Variants in SEC63 observed in about 807,000 individuals in gnomAD.
SEC63 encodes translocation protein SEC63 homolog.
In SEC63, 56 loss-of-function variants were observed where a neutral mutation model predicts 116.2. The observed-to-expected ratio is 0.48, with a 90% confidence interval of 0.39 to 0.60. The LOEUF (loss-of-function observed/expected upper bound fraction) is 0.60. Ranked by LOEUF, SEC63 falls within the 20% of genes least tolerant of loss-of-function variation. The probability of loss-of-function intolerance (pLI) is 0.00; values close to 1 mark genes in which losing one functional copy is unlikely to be tolerated. For synonymous variants in SEC63, 273 were observed against 294.6 expected (o/e 0.93, Z 0.75); for missense variants, 668 against 900.0 (o/e 0.74, Z 3.30).
chr6:107,955,793 G>C (rs1164932011), intron 1 of SEC63, among the ~76,000 whole-genome samples: 3 of 152,096 alleles, frequency 2.0e-5, no homozygotes, highest in Non-Finnish European at 4.4e-5. Flanking sequence ...AGCTGTGGCA[G>C]AACTGCTTGA....
At chr6:107,956,781 A>C (rs1449262176) in intron 1 of SEC63, among the ~76,000 whole-genome samples, 3 of 152,208 alleles carry the variant, frequency 2.0e-5, no homozygotes, top group African/African-American at 7.2e-5. Context: ...TGAAAGTATA[A>C]CAAGTTCTGA....
At chr6:107,922,112 T>C (rs1749030208) in intron 3 of SEC63, among the ~76,000 whole-genome samples, 1 of 152,250 alleles carries the variant, frequency 6.6e-6, no homozygotes, top group African/African-American at 2.4e-5. Context: ...TTGTCCAATA[T>C]ATGTATTTTA....
At position 107,870,714 on chromosome 6, in the gene SEC63, T is replaced by C. The variant is rs1015024912; in HGVS notation, c.*990A>G. On this transcript the variant is annotated 3_prime_UTR_variant, in exon 21 of 21. Transcript: ENST00000369002. ...TTTAGTTGAAAAATAAAGAAGTGGA[T>C]TGCCCTATTTATGTCCTGATAGTAA... 1.3e-5 allele frequency: 2 copies of C among 152,152 alleles called. No individual in the cohort carries two copies. Among genetic ancestry groups the C allele is most frequent in the Non-Finnish European group, 2.9e-5 (2 of 68,012 alleles). The allele number at this position is 152,152 out of a possible 1,614,324, so 9.4% of individuals were successfully genotyped here.
intron 1 of SEC63, chr6:107,957,529 G>C (rs1317454725): frequency 1.8e-5 from 3 of 167,768 alleles, no homozygotes; most frequent in Non-Finnish European, 3.8e-5. Flanking sequence ...TCTCTTCTTG[G>C]CCAACTCTTT....
intron 1 of SEC63, among the ~76,000 whole-genome samples, chr6:107,943,758 C>T (rs1437814955): frequency 1.3e-5 from 2 of 152,050 alleles, no homozygotes; most frequent in African/African-American, 4.8e-5. Context: ...GTGTGTTTCA[C>T]TGTGTTCAAA....
intron 16 of SEC63, among the ~76,000 whole-genome samples, chr6:107,883,925 T>C (rs1486530153): frequency 2.6e-5 from 4 of 151,946 alleles, no homozygotes; most frequent in Non-Finnish European, 4.4e-5. Flanking sequence ...TAGCTCACTT[T>C]AAGAATCAAG....
Position 107,901,468 on chromosome 6 carries a change from C to A in SEC63, c.1259G>T (p.Arg420Leu), listed in dbSNP as rs779791254. Residue 420 changes from arginine to leucine, a missense_variant, in exon 13 of 21, where the codon CGT becomes CTT. Arg to Leu is a moderately radical substitution (Grantham distance 102). Around this residue, in one of 5 missense-constraint regions of SEC63, gnomAD observed 430 missense variants for 557.5 expected, o/e 0.77. Transcript: ENST00000369002. Reference sequence around the variant, plus strand: ...TTCAAGGAAGTGCAGTAGAGTGTGACGATCTGATTCTTTTAAACTCACCAA... The same window carrying A: ...TTCAAGGAAGTGCAGTAGAGTGTGAAGATCTGATTCTTTTAAACTCACCAA... ...QDLVSLKESDRHTLLHFLEDE... is the reference protein window; with the variant it reads ...QDLVSLKESDLHTLLHFLEDE... 6.2e-7 allele frequency: 1 copy of A among 1,608,660 alleles called. No homozygotes were observed. The highest frequency in any genetic ancestry group is 8.5e-7 in the Non-Finnish European group (1 of 1,175,718).
intron 20 of SEC63, 85 bp downstream of exon 20, chr6:107,872,723 T>C: frequency 1.2e-6 from 1 of 838,236 alleles, no homozygotes; most frequent in Admixed American, 2.0e-5. Flanking sequence ...TCCATAACTC[T>C]ACATTTCAAA....
Position 107,921,847 on chromosome 6 carries a change from A to G in SEC63, c.402T>C (p.Asp134=). Residue 134 remains aspartate (D), a synonymous_variant, in exon 4 of 21, where the codon GAT becomes GAC. Coordinates refer to ENST00000369002, the MANE Select transcript of SEC63 (RefSeq NM_007214.5). ...TGAACATAACCTCATCACCTCCTTT[A>G]TCTGGATGATATTTAAGTGACAGCA... ...YRLLSLKYHP[D]KGGDEVMFMR... 3 of 1,612,034 alleles carry G rather than the reference A, an allele frequency of 1.9e-6. No individual in the cohort carries two copies. Among genetic ancestry groups the G allele is most frequent in the Non-Finnish European group, 2.5e-6 (3 of 1,178,976 alleles).
rs1485713217 is a variant in SEC63, at chr6:107,881,174, G to A, written c.1910C>T (p.Pro637Leu). The A allele has an allele frequency of 1.2e-6, 2 of 1,611,328 alleles. No individual in the cohort carries two copies. The highest frequency in any genetic ancestry group is 3.3e-5 in the Admixed American group (2 of 59,988). Residue 637 changes from proline to leucine, a missense_variant, in exon 18 of 21, where the codon CCT becomes CTT. This residue lies in a region of SEC63 where 430 missense variants were observed against 557.5 expected (regional missense o/e 0.77). Coordinates refer to ENST00000369002, the MANE Select transcript of SEC63 (RefSeq NM_007214.5). ...CTCAGGAAAGTAAAGGCTATACACA[G>A]GATGTGTTATTTTTGATTTGGTTTC... ...LLETKSKITHPVYSLYFPEEK... is the reference protein window; with the variant it reads ...LLETKSKITHLVYSLYFPEEK...
At chr6:107,901,772 G>A (rs1010369952) in intron 12 of SEC63, among the ~76,000 whole-genome samples, 1 of 151,882 alleles carries the variant, frequency 6.6e-6, no homozygotes, top group African/African-American at 2.4e-5. Context: ...CAAAGTTGGA[G>A]GGAAAAAATA....
chr6:107,924,981 A>C (rs1787643733), intron 2 of SEC63, 49 bp from the exon 3 acceptor site: 2 of 1,054,768 alleles, frequency 1.9e-6, no homozygotes, highest in Admixed American at 3.4e-5. Flanking sequence ...ATCTGCATAG[A>C]GTCTAAAGAC....
At chr6:107,924,451 G>A (rs1045314303) in intron 3 of SEC63, among the ~76,000 whole-genome samples, 4 of 148,872 alleles carry the variant, frequency 2.7e-5, no homozygotes, top group South Asian at 2.1e-4. Context: ...GATGGCGGGC[G>A]CCTACCTGGG....
intron 1 of SEC63, among the ~76,000 whole-genome samples, chr6:107,957,049 A>C (rs1315606993): frequency 6.6e-6 from 1 of 151,910 alleles, no homozygotes; most frequent in Non-Finnish European, 1.5e-5. Context: ...AGTAGAGTGC[A>C]ACAAATGGAT....
intron 4 of SEC63, among the ~76,000 whole-genome samples, chr6:107,916,561 T>G (rs1787404411): frequency 6.6e-6 from 1 of 152,242 alleles, no homozygotes; most frequent in Non-Finnish European, 1.5e-5. Context: ...TATTGCACTT[T>G]GCAGATAATC....
In SEC63 at chr6:107,879,913, G is replaced by A. The variant is rs534011501; in HGVS notation, c.1935+1236C>T. On this transcript the variant is annotated intron_variant, in intron 18 of 20. Coordinates refer to ENST00000369002, the MANE Select transcript of SEC63 (RefSeq NM_007214.5). The stretch of plus-strand genomic sequence containing the variant: ...GCCACTAATAAAATGTTCTGAGGGA[G>A]TGAATGAATGTTTCTCTTATTAACT... Among the ~76,000 whole-genome samples, 3 of 152,210 alleles carry A rather than the reference G, an allele frequency of 2.0e-5. No homozygotes were observed. In the South Asian group the frequency reaches 6.2e-4, roughly 32 times the overall value.
chr6:107,931,153 G>C (rs1454866285), intron 1 of SEC63, among the ~76,000 whole-genome samples: 1 of 151,854 alleles, frequency 6.6e-6, no homozygotes, highest in Non-Finnish European at 1.5e-5. Flanking sequence ...GACCAGCCTG[G>C]CCAACATGGT....
chr6:107,894,064 C>G (rs1786757757), intron 14 of SEC63, among the ~76,000 whole-genome samples, 167 bp from the exon 15 acceptor site: 2 of 152,314 alleles, frequency 1.3e-5, no homozygotes, highest in South Asian at 4.1e-4. Context: ...TGTGCCTATG[C>G]AGGTAGATAC....
At chr6:107,888,475 G>C (rs1786592929) in intron 16 of SEC63, among the ~76,000 whole-genome samples, 1 of 152,186 alleles carries the variant, frequency 6.6e-6, no homozygotes, top group Non-Finnish European at 1.5e-5. Context: ...TTGCTTATCA[G>C]CTTAATGAGA....
Sources: allele counts gnomAD v4.1 joint callset (sites outside exome capture counted in the v4.1 genomes callset), GRCh38; gene constraint gnomAD v4.1.1; regional missense constraint gnomAD v4.1.1; transcripts MANE v1.5; gene names NCBI Gene and HGNC (gene_info 2026-07-23, HGNC 2026-07-21).